The following TMEM132B variants were observed in gnomAD, a reference collection of about 807,000 sequenced individuals.
TMEM132B encodes the protein transmembrane protein 132B.
Under a neutral mutation model 90.8 loss-of-function variants are expected in TMEM132B, and 18 were observed. The observed-to-expected ratio is 0.20, with a 90% confidence interval of 0.14 to 0.29. The LOEUF (loss-of-function observed/expected upper bound fraction) is 0.29. Among genes scored for constraint, TMEM132B ranks in the 10% least tolerant of loss-of-function variants. The pLI is 1.00. For missense variants in TMEM132B, 1,096 were observed against 1,326.8 expected (o/e 0.83, Z 2.70); for synonymous variants, 504 against 523.3 (o/e 0.96, Z 0.50).
intron 1 of TMEM132B, among the ~76,000 whole-genome samples, chr12:125,242,653 T>A (rs1403052133): frequency 2.0e-5 from 3 of 152,182 alleles, no homozygotes; most frequent in African/African-American, 7.2e-5. Context: ...GAGGTGTTTG[T>A]CCCTCTAGGG....
At chr12:125,622,525 C>T in intron 5 of TMEM132B, 3 of 963,114 alleles carry the variant, frequency 3.1e-6, no homozygotes, top group South Asian at 4.9e-5. Context: ...ATCCTGCAGA[C>T]TGCGTGGAGG....
intron 2 of TMEM132B, among the ~76,000 whole-genome samples, chr12:125,398,097 A>G (rs1879216783): frequency 6.6e-6 from 1 of 152,146 alleles, no homozygotes; most frequent in African/African-American, 2.4e-5. Context: ...AGGGGTGGGC[A>G]TTATCTAGAG....
intron 5 of TMEM132B, among the ~76,000 whole-genome samples, chr12:125,590,466 C>T (rs1421183844): frequency 6.6e-6 from 1 of 152,296 alleles, no homozygotes; most frequent in East Asian, 1.9e-4. Flanking sequence ...ACACCTTTAT[C>T]AGAACATTGT....
At chr12:125,438,413 C>G (rs1399672458) in intron 3 of TMEM132B, among the ~76,000 whole-genome samples, 1 of 152,224 alleles carries the variant, frequency 6.6e-6, no homozygotes, top group Non-Finnish European at 1.5e-5. Flanking sequence ...ATCTGCTATA[C>G]ATGCAGGTGC....
At chr12:125,589,341 G>T (rs371628656) in intron 5 of TMEM132B, among the ~76,000 whole-genome samples, 2,903 of 152,088 alleles carry the variant, frequency 0.019, 37 homozygotes, top group Non-Finnish European at 0.03. Flanking sequence ...AATTAGCCGG[G>T]CGTAGTGGCG....
intron 4 of TMEM132B, among the ~76,000 whole-genome samples, chr12:125,559,098 A>G (rs1184457156): frequency 2.0e-5 from 3 of 152,220 alleles, no homozygotes; most frequent in African/African-American, 7.2e-5. Flanking sequence ...CAGTTAGTGG[A>G]AGGCCCAGGA....
At chr12:125,295,015 A>C (rs925285150) in intron 1 of TMEM132B, among the ~76,000 whole-genome samples, 8 of 152,202 alleles carry the variant, frequency 5.3e-5, no homozygotes, top group Non-Finnish European at 1.2e-4. Context: ...TGTGTGAGCC[A>C]CTCTAAGCTT....
chr12:125,406,621 T>C lies in TMEM132B; in HGVS notation c.960-8910T>C, dbSNP rs1879490873. Among the ~76,000 whole-genome samples the C allele has an allele frequency of 6.6e-6, 1 of 152,150 alleles. No individual in the cohort carries two copies. The highest frequency in any genetic ancestry group is 6.5e-5 in the Admixed American group (1 of 15,274). ...GGGTGGATGATATGGGGTATAAAAA[T>C]ATTTCACAGTCTTGATGGCGTGAGT... On this transcript the variant is annotated intron_variant, in intron 2 of 8. Coordinates refer to ENST00000682704, the MANE Select transcript of TMEM132B (RefSeq NM_001366854.1). The surrounding 1 kb of genome is among the most constrained non-coding windows in gnomAD (Gnocchi z 8.3).
At chr12:125,345,855 G>T (rs1274185905) in intron 1 of TMEM132B, among the ~76,000 whole-genome samples, 1 of 152,092 alleles carries the variant, frequency 6.6e-6, no homozygotes, top group African/African-American at 2.4e-5. Flanking sequence ...CTCATTTCAC[G>T]TTCAGAACGC....
chr12:125,379,970 C>T (rs1479779146), intron 2 of TMEM132B, among the ~76,000 whole-genome samples: 3 of 152,178 alleles, frequency 2.0e-5, no homozygotes, highest in Non-Finnish European at 4.4e-5. Flanking sequence ...CTCTCTGATT[C>T]AGCATTTATC....
chr12:125,500,663 C>G (rs1882672772), intron 3 of TMEM132B, among the ~76,000 whole-genome samples: 1 of 152,078 alleles, frequency 6.6e-6, no homozygotes, highest in East Asian at 1.9e-4. Flanking sequence ...GGACGTCAAT[C>G]TAGAAATAGA....
At chr12:125,457,895 G>C (rs139296382) in intron 3 of TMEM132B, among the ~76,000 whole-genome samples, 296 of 152,322 alleles carry the variant, frequency 1.9e-3, no homozygotes, top group Middle Eastern at 0.014. Context: ...CAGGAGCTGG[G>C]TCTGGACAGG....
intron 3 of TMEM132B, among the ~76,000 whole-genome samples, chr12:125,417,249 T>A (rs1880042192): frequency 6.6e-6 from 1 of 152,170 alleles, no homozygotes; most frequent in African/African-American, 2.4e-5. Flanking sequence ...TGTGTCCCTT[T>A]TTACCAGGGA....
chr12:125,556,989 AGAAAAACGAAG>A (rs1372785977), intron 4 of TMEM132B, among the ~76,000 whole-genome samples: 3 of 152,134 alleles, frequency 2.0e-5, no homozygotes, highest in Non-Finnish European at 4.4e-5. Flanking sequence ...CTTGACTGGA[AGAAAAACGAAG>A]GAAAAACGAC....
intron 1 of TMEM132B, among the ~76,000 whole-genome samples, chr12:125,298,807 C>T (rs1313269102): frequency 6.6e-6 from 1 of 150,798 alleles, no homozygotes; most frequent in Admixed American, 6.6e-5. Context: ...GATCTCGGCT[C>T]ACTGCAAGCT....
intron 1 of TMEM132B, among the ~76,000 whole-genome samples, chr12:125,264,253 A>T (rs1874635918): frequency 6.6e-6 from 1 of 152,018 alleles, no homozygotes; most frequent in South Asian, 2.1e-4. Context: ...TGCCTATGAG[A>T]TGATGTTGCA....
Position 125,273,982 on chromosome 12 carries a change from G to A in TMEM132B, c.68-75470G>A, listed in dbSNP as rs556630760. 1.2e-4 allele frequency among the ~76,000 whole-genome samples: 19 copies of A among 152,192 alleles called. 1 individual carries two copies. The highest frequency in any genetic ancestry group is 3.9e-4 in the Admixed American group (6 of 15,286). On this transcript the variant is annotated intron_variant, in intron 1 of 8. Transcript: ENST00000682704. ...CCTGGACTCTCCTCTACTTTTAAGC[G>A]CCCTCTGTGCTCTTCCCCAGTCTCA...
At chr12:125,382,255 G>GT (rs1443090545) in intron 2 of TMEM132B, among the ~76,000 whole-genome samples, 1 of 152,178 alleles carries the variant, frequency 6.6e-6, no homozygotes, top group Non-Finnish European at 1.5e-5. Flanking sequence ...GTAGGATATG[G>GT]TTCTTCTTTT....
At chr12:125,474,566 G>T (rs1207663579) in intron 3 of TMEM132B, among the ~76,000 whole-genome samples, 1 of 152,156 alleles carries the variant, frequency 6.6e-6, no homozygotes, top group Non-Finnish European at 1.5e-5. Flanking sequence ...TGGGATTGCA[G>T]TCATGAGCCA....
Sources: allele counts gnomAD v4.1 joint callset (sites outside exome capture counted in the v4.1 genomes callset), GRCh38; gene constraint gnomAD v4.1.1; non-coding constraint Gnocchi (gnomAD v3.1); transcripts MANE v1.5; gene names NCBI Gene and HGNC (gene_info 2026-07-23, HGNC 2026-07-21).